Variants in TFDP2 observed in about 807,000 individuals in gnomAD.
TFDP2 encodes the protein transcription factor Dp-2, also known as transcription factor Dp-2 (E2F dimerization partner 2).
Under a neutral mutation model 59.3 loss-of-function variants are expected in TFDP2, and 17 were observed. That is an observed-to-expected ratio of 0.29 (90% confidence interval 0.20 to 0.43). TFDP2 has a LOEUF of 0.43. TFDP2 is among the 20% of genes least tolerant of loss of function. The pLI is 1.00. For synonymous variants in TFDP2, 180 were observed against 194.7 expected, an observed-to-expected ratio of 0.92 and a Z score of 0.63; for missense variants, 391 against 528.8, an observed-to-expected ratio of 0.74 and a Z score of 2.56.
chr3:142,059,463 T>C (rs1348467221), intron 3 of TFDP2, among the ~76,000 whole-genome samples: 1 of 152,202 alleles, frequency 6.6e-6, no homozygotes, highest in Non-Finnish European at 1.5e-5. Context: ...TACCACACTA[T>C]TACATTTTAT....
intron 3 of TFDP2, among the ~76,000 whole-genome samples, chr3:142,086,168 CTTTAT>C (rs1371411750): frequency 6.6e-6 from 1 of 151,452 alleles, no homozygotes; most frequent in Admixed American, 6.6e-5. Context: ...GATGGTATCA[CTTTAT>C]TAAGAATGGG....
chr3:142,092,914 T>A, intron 3 of TFDP2, 147 bp downstream of exon 3: 1 of 531,704 alleles, frequency 1.9e-6, no homozygotes, highest in Non-Finnish European at 3.1e-6. Context: ...TAAATGACTT[T>A]CATACAGCAC....
intron 3 of TFDP2, among the ~76,000 whole-genome samples, chr3:142,051,535 A>C (rs1488544097): frequency 1.3e-5 from 2 of 151,782 alleles, no homozygotes; most frequent in African/African-American, 4.8e-5. Context: ...AAAAAAAAAA[A>C]CCGTCTCCAG....
chr3:141,985,700 G>A (rs1942025357), intron 6 of TFDP2, among the ~76,000 whole-genome samples: 1 of 151,968 alleles, frequency 6.6e-6, no homozygotes, highest in African/African-American at 2.4e-5. Flanking sequence ...TGTGACCTTG[G>A]ATTAGGCAAA....
At chr3:142,055,430 C>T (rs1269133719) in intron 3 of TFDP2, among the ~76,000 whole-genome samples, 1 of 152,318 alleles carries the variant, frequency 6.6e-6, no homozygotes, top group South Asian at 2.1e-4. Context: ...CAAAAACAGG[C>T]ACTCTGCTAG....
At position 142,149,438 on chromosome 3, in the gene TFDP2, G is replaced by A. The variant is rs1482592666; in HGVS notation, c.-348C>T. On this transcript the variant is annotated 5_prime_UTR_variant, in exon 1 of 13. Coordinates refer to ENST00000489671, the MANE Select transcript of TFDP2 (RefSeq NM_001178139.2). ...CGCGCCCCGCGGGCCGGGCAGCTGCGGCAGCGCCGCAGCCGAGATCGCTAC... is the reference window on the plus strand; with the variant it reads ...CGCGCCCCGCGGGCCGGGCAGCTGCAGCAGCGCCGCAGCCGAGATCGCTAC... The A allele has an allele frequency of 5.2e-6, 2 of 381,314 alleles. No homozygotes were observed. Among genetic ancestry groups the A allele is most frequent in the Non-Finnish European group, 9.3e-6 (2 of 215,384 alleles). The allele number at this position is 381,314 out of a possible 1,614,324, so 23.6% of individuals were successfully genotyped here. A position where few individuals can be genotyped will look rare whatever the true frequency, so the allele number is the denominator to read the frequency against.
At chr3:141,973,071 T>C (rs1451350450) in intron 8 of TFDP2, among the ~76,000 whole-genome samples, 2 of 145,392 alleles carry the variant, frequency 1.4e-5, no homozygotes, top group African/African-American at 5.0e-5. Context: ...AAACCAATCT[T>C]AATTATCTCC....
chr3:142,149,117 G>A (rs990698857), intron 1 of TFDP2, 66 bp downstream of exon 1: 4 of 397,644 alleles, frequency 1.0e-5, no homozygotes, highest in Admixed American at 4.4e-5. Flanking sequence ...AACCTACCCA[G>A]GAACGCGCCC....
rs559473568 is a variant in TFDP2, at chr3:142,042,536, G to A, written c.83-36992C>T. On this transcript the variant is annotated intron_variant, in intron 3 of 12. Coordinates refer to ENST00000489671, the MANE Select transcript of TFDP2 (RefSeq NM_001178139.2). ...GATGGTCTCGATCTCTTGACCTCGAGATCCGCCTGCCTCAGCCTCCCAAAG... is the reference window on the plus strand; with the variant it reads ...GATGGTCTCGATCTCTTGACCTCGAAATCCGCCTGCCTCAGCCTCCCAAAG... Among the ~76,000 whole-genome samples, 112 of 151,808 alleles carry A rather than the reference G, an allele frequency of 7.4e-4. 1 individual carries two copies. The highest frequency in any genetic ancestry group is 2.6e-3 in the African/African-American group (109 of 41,450).
intron 2 of TFDP2, among the ~76,000 whole-genome samples, chr3:142,101,190 C>A (rs2061306158): frequency 6.6e-6 from 1 of 151,908 alleles, no homozygotes; most frequent in African/African-American, 2.4e-5. Flanking sequence ...GAGTGACATA[C>A]AACTTGAAAG....
intron 3 of TFDP2, among the ~76,000 whole-genome samples, chr3:142,023,241 GT>G (rs1945796919): frequency 6.6e-6 from 1 of 151,612 alleles, no homozygotes; most frequent in Non-Finnish European, 1.5e-5. Context: ...CTGGAGTGCA[GT>G]GGCGTGATCT....
At chr3:142,040,591 C>A (rs1435541611) in intron 3 of TFDP2, among the ~76,000 whole-genome samples, 2 of 152,140 alleles carry the variant, frequency 1.3e-5, no homozygotes, top group Admixed American at 6.5e-5. Context: ...CCACCATGCC[C>A]GGCTAATTTT....
rs141945745 is a variant in TFDP2 at position 142,146,450 on chromosome 3, G to A, written c.-93+2733C>T. On this transcript the variant is annotated intron_variant, in intron 1 of 12. Transcript: ENST00000489671. ...AGACACTATTATTAACCCCATATTA[G>A]AGATGAGGAGACTTAGGCCCAGAGT... 3.3e-5 allele frequency among the ~76,000 whole-genome samples: 5 copies of A among 152,210 alleles called. No individual in the cohort carries two copies. In the East Asian group the frequency reaches 9.6e-4, roughly 29 times the overall value.
At chr3:142,119,978 A>G (rs1320165737) in intron 1 of TFDP2, among the ~76,000 whole-genome samples, 1 of 151,726 alleles carries the variant, frequency 6.6e-6, no homozygotes, top group Non-Finnish European at 1.5e-5. Flanking sequence ...TGAACCCGGC[A>G]GGCGGAGGTT....
intron 1 of TFDP2, among the ~76,000 whole-genome samples, chr3:142,118,073 G>T (rs182096034): frequency 6.6e-6 from 1 of 152,164 alleles, no homozygotes; most frequent in Non-Finnish European, 1.5e-5. Context: ...ACTCCAGCCT[G>T]GGTGACAGAG....
intron 3 of TFDP2, among the ~76,000 whole-genome samples, chr3:142,050,291 G>T (rs1346777890): frequency 2.7e-5 from 4 of 147,936 alleles, no homozygotes; most frequent in East Asian, 4.0e-4. Context: ...AAAAAAAAAA[G>T]ATCCTTTATG....
At chr3:142,087,999 C>CTGATA (rs1576948649) in intron 3 of TFDP2, among the ~76,000 whole-genome samples, 1 of 152,312 alleles carries the variant, frequency 6.6e-6, no homozygotes, top group East Asian at 1.9e-4. Flanking sequence ...GTCCTATACC[C>CTGATA]TGATATACAG....
At position 142,101,763 on chromosome 3, in the gene TFDP2, CTATTT is replaced by C. The variant is rs1373570645; in HGVS notation, c.-19_-15del. On this transcript the variant is annotated 5_prime_UTR_variant, in exon 2 of 13. An upstream open reading frame in the 5' UTR loses its in-frame stop. Transcript: ENST00000489671. ...TTTTGCCGTCATGTCAAACTGTATT[CTATTT>C]AAGATTCTGTAAAGCCATTAAAAAA... The C allele has an allele frequency of 1.8e-5, 24 of 1,323,428 alleles. No individual in the cohort carries two copies. In the African/African-American group the frequency reaches 3.4e-4, roughly 19 times the overall value. 82.0% of individuals were successfully genotyped at this position (1,323,428 alleles called of 1,614,324 possible).
At chr3:141,968,614 TC>T (rs1473505457) in intron 9 of TFDP2, among the ~76,000 whole-genome samples, 3 of 110,566 alleles carry the variant, frequency 2.7e-5, no homozygotes, top group South Asian at 5.3e-4. Flanking sequence ...CATATATATC[TC>T]ATATATAGAT....
Sources: allele counts gnomAD v4.1 joint callset (sites outside exome capture counted in the v4.1 genomes callset), GRCh38; gene constraint gnomAD v4.1.1; transcripts MANE v1.5; gene names NCBI Gene and HGNC (gene_info 2026-07-23, HGNC 2026-07-21).